EVC2: variants seen among roughly 807,000 people sequenced by gnomAD.
EVC2 encodes limbin.
A neutral mutation model predicts 149.3 loss-of-function variants in EVC2; 148 were observed. The observed-to-expected ratio is 0.99, with a 90% CI of 0.87 to 1.14. The LOEUF (loss-of-function observed/expected upper bound fraction) is 1.14. EVC2 is among the 50% of genes most tolerant of loss of function. EVC2 has a pLI of 0.00. For synonymous variants in EVC2, 776 were observed against 649.9 expected (o/e 1.19, Z -2.95); for missense variants, 1,854 against 1,627.3 (o/e 1.14, Z -2.40).
At chr4:5,632,389 G>C (rs1269640759) in intron 10 of EVC2, among the ~76,000 whole-genome samples, 1 of 152,120 alleles carries the variant, frequency 6.6e-6, no homozygotes, top group Admixed American at 6.5e-5. Flanking sequence ...GTCCCAAGCT[G>C]ACAATAATGA....
rs1448944690 is a variant in EVC2, at chr4:5,694,407, G to A, written c.378C>T (p.Ser126=). 6.2e-7 allele frequency: 1 copy of A among 1,614,018 alleles called. No individual in the cohort carries two copies. Among genetic ancestry groups the A allele is most frequent in the Non-Finnish European group, 8.5e-7 (1 of 1,180,008 alleles). Residue 126 remains serine, a synonymous_variant, in exon 3 of 22, where the codon TCC becomes TCT. Coordinates refer to ENST00000344408, the MANE Select transcript of EVC2 (RefSeq NM_147127.5). ...SAASSGPWAH[S]LFAFIPSWPK... ...GCCAGGAGGGTATAAAAGCAAATAA[G>A]GAATGAGCCCATGGCCCACTAGAGG...
At position 5,631,572 on chromosome 4, in the gene EVC2, G is replaced by GGT. The variant is rs534756261; in HGVS notation, c.1710+220_1710+221insAC. Among the ~76,000 whole-genome samples, 561 of 151,788 alleles carry GGT rather than the reference G, an allele frequency of 3.7e-3. 3 individuals carry two copies. The highest frequency in any genetic ancestry group is 5.9e-3 in the Non-Finnish European group (401 of 67,912). On this transcript the variant is annotated intron_variant, in intron 11 of 21. Transcript: ENST00000344408. Reference sequence around the variant, plus strand: ...CTCAAGTTCACGCAGTAGACTGGGGGGGGGAACTGAAATTCCAATCCAGGT... The same window carrying GGT: ...CTCAAGTTCACGCAGTAGACTGGGGGGTGGGGAACTGAAATTCCAATCCAGGT...
chr4:5,661,980 T>C (rs942706663), intron 9 of EVC2, among the ~76,000 whole-genome samples: 8 of 152,204 alleles, frequency 5.3e-5, no homozygotes, highest in African/African-American at 1.4e-4. Context: ...CTATTGCACA[T>C]AGGGAGGATG....
At chr4:5,609,368 C>T (rs41501045) in intron 16 of EVC2, among the ~76,000 whole-genome samples, 6,292 of 152,214 alleles carry the variant, frequency 0.041, 403 homozygotes, top group African/African-American at 0.14. Context: ...TCTGAACAAC[C>T]GCCATGCAAG....
chr4:5,643,038 C>T (rs1265877844), intron 9 of EVC2, among the ~76,000 whole-genome samples: 1 of 152,194 alleles, frequency 6.6e-6, no homozygotes, highest in Non-Finnish European at 1.5e-5. Flanking sequence ...GTATGTCTAT[C>T]TAACGAGTTA....
intron 9 of EVC2, among the ~76,000 whole-genome samples, chr4:5,662,608 A>C (rs1017836271): frequency 2.8e-5 from 4 of 144,956 alleles, no homozygotes; most frequent in African/African-American, 1.0e-4. Flanking sequence ...AATTATATTT[A>C]AATATATTTA....
intron 21 of EVC2, among the ~76,000 whole-genome samples, chr4:5,543,449 C>T (rs1294824005): frequency 6.6e-6 from 1 of 152,218 alleles, no homozygotes; most frequent in African/African-American, 2.4e-5. Flanking sequence ...GGCTAGCCTG[C>T]AGGGTTCGAA....
At position 5,552,898 on chromosome 4, in the gene EVC2, T is replaced by A. The variant is rs558950895; in HGVS notation, c.3420-9686A>T. ...ATCTGTGCATACAGAGAGGAAACTA[T>A]CAGAGCAGGAAAAGAGGCACGATAC... On this transcript the variant is annotated intron_variant and NMD_transcript_variant, in intron 21 of 22. Transcript: ENST00000475313. Among the ~76,000 whole-genome samples the A allele has an allele frequency of 2.6e-4, 40 of 152,292 alleles. No homozygotes were observed. In the South Asian group the frequency reaches 7.5e-3, roughly 28 times the overall value.
At chr4:5,632,545 C>T (rs888503336) in intron 10 of EVC2, among the ~76,000 whole-genome samples, 1 of 152,192 alleles carries the variant, frequency 6.6e-6, no homozygotes, top group African/African-American at 2.4e-5. Context: ...AAATGGAAAT[C>T]TCTTCACTAT....
intron 16 of EVC2, among the ~76,000 whole-genome samples, chr4:5,610,006 G>A (rs1057444285): frequency 6.6e-6 from 1 of 152,188 alleles, no homozygotes; most frequent in African/African-American, 2.4e-5. Context: ...ATAGCAGCAA[G>A]AATGCAGAGT....
At chr4:5,553,084 G>C (rs547590118) in intron 21 of EVC2, among the ~76,000 whole-genome samples, 1 of 152,246 alleles carries the variant, frequency 6.6e-6, no homozygotes, top group East Asian at 1.9e-4. Flanking sequence ...AATTTATAAA[G>C]GAAAGAGGCT....
chr4:5,543,715 C>T (rs987852921), intron 21 of EVC2, among the ~76,000 whole-genome samples: 3 of 152,062 alleles, frequency 2.0e-5, no homozygotes, highest in Admixed American at 1.3e-4. Flanking sequence ...ATTATAGAAA[C>T]CCCAGGTAGG....
In EVC2 at chr4:5,618,948, G is replaced by C. The variant is rs1376060833; in HGVS notation, c.2502-266C>G. On this transcript the variant is annotated intron_variant, in intron 14 of 21. Coordinates refer to ENST00000344408, the MANE Select transcript of EVC2 (RefSeq NM_147127.5). This position sits in a 1 kb window ranked among gnomAD's most constrained non-coding sequence, Gnocchi z 4.4. ...CTTTGAGGAGGCAACAGGCCTTCCA[G>C]TGCCCACGACCTTGCAATTAACCTG... Among the ~76,000 whole-genome samples the C allele has an allele frequency of 1.3e-5, 2 of 152,192 alleles. No individual in the cohort carries two copies. Among genetic ancestry groups the C allele is most frequent in the Admixed American group, 1.3e-4 (2 of 15,284 alleles).
intron 10 of EVC2, among the ~76,000 whole-genome samples, chr4:5,634,752 C>G (rs144399871): frequency 5.0e-4 from 76 of 152,194 alleles, no homozygotes; most frequent in African/African-American, 1.7e-3. Context: ...GAAAACTAAG[C>G]CCTAAAGCAG....
chr4:5,633,256 C>T lies in EVC2; in HGVS notation c.1471-1224G>A, dbSNP rs970623680. On this transcript the variant is annotated intron_variant, in intron 10 of 21. Coordinates refer to ENST00000344408, the MANE Select transcript of EVC2 (RefSeq NM_147127.5). This position sits in a 1 kb window ranked among gnomAD's most constrained non-coding sequence, Gnocchi z 4.4. ...AGCTTGAATGAGCTTGGACCAGGAC[C>T]CCAAGCTCCAGAGGAGAATGCAGCT... Among the ~76,000 whole-genome samples, 4 of 152,116 alleles carry T rather than the reference C, an allele frequency of 2.6e-5. No homozygotes were observed. Among genetic ancestry groups the T allele is most frequent in the African/African-American group, 9.7e-5 (4 of 41,424 alleles).
rs1475593746 is a variant in EVC2, at chr4:5,679,994, A to G, written c.870+1266T>C. On this transcript the variant is annotated intron_variant, in intron 7 of 21. Coordinates refer to ENST00000344408, the MANE Select transcript of EVC2 (RefSeq NM_147127.5). This position sits in a 1 kb window ranked among gnomAD's most constrained non-coding sequence, Gnocchi z 5.1. ...CTTCTTAAACTTTTTGTTAAAAACT[A>G]AGACACACATTAGCCTAGTCCTGCA... Among the ~76,000 whole-genome samples, 2 of 152,188 alleles carry G rather than the reference A, an allele frequency of 1.3e-5. No homozygotes were observed. Among genetic ancestry groups the G allele is most frequent in the Non-Finnish European group, 2.9e-5 (2 of 68,034 alleles).
At chr4:5,568,106 GAC>G (rs908125742) in intron 20 of EVC2, among the ~76,000 whole-genome samples, 3 of 152,092 alleles carry the variant, frequency 2.0e-5, no homozygotes, top group Non-Finnish European at 2.9e-5. Context: ...CACACTTGCA[GAC>G]ACACACTTGT....
chr4:5,675,175 T>C (rs921130860), intron 7 of EVC2, among the ~76,000 whole-genome samples: 1 of 150,078 alleles, frequency 6.7e-6, no homozygotes, highest in East Asian at 1.9e-4. Flanking sequence ...TTGTCTCTTA[T>C]GTATATTACA....
intron 9 of EVC2, among the ~76,000 whole-genome samples, chr4:5,650,907 C>T (rs1718092243): frequency 6.6e-6 from 1 of 152,144 alleles, no homozygotes; most frequent in Non-Finnish European, 1.5e-5. Context: ...TGGCACAGAA[C>T]AGATGCTGGA....
Sources: gnomAD v4.1 joint callset for allele counts (sites outside exome capture counted in the v4.1 genomes callset) on GRCh38, gnomAD v4.1.1 for gene constraint, Gnocchi (gnomAD v3.1) non-coding constraint, MANE v1.5 for transcripts, NCBI Gene and HGNC (gene_info 2026-07-23, HGNC 2026-07-21) for gene names.